The following PTN variants were observed in gnomAD, a reference collection of about 807,000 sequenced individuals.
PTN encodes the protein pleiotrophin.
A neutral mutation model predicts 24.1 loss-of-function variants in PTN; 18 were observed. The observed-to-expected ratio is 0.75, with a 90% CI of 0.52 to 1.11. The LOEUF is 1.11. Among genes scored for constraint, PTN ranks in the 50% least tolerant of loss-of-function variants. PTN has a pLI of 0.00. For synonymous variants in PTN, 78 were observed against 68.6 expected (o/e 1.14, Z -0.67); for missense variants, 163 against 198.8 (o/e 0.82, Z 1.08).
At chr7:137,258,320 G>A (rs1229443147) in intron 1 of PTN, among the ~76,000 whole-genome samples, 1 of 152,140 alleles carries the variant, frequency 6.6e-6, no homozygotes, top group Non-Finnish European at 1.5e-5. Flanking sequence ...TGTTAATTTA[G>A]AATAATTAAG....
chr7:137,298,777 A>G (rs1809759350), intron 1 of PTN, among the ~76,000 whole-genome samples: 1 of 152,012 alleles, frequency 6.6e-6, no homozygotes, highest in Non-Finnish European at 1.5e-5. Flanking sequence ...AATTTCAAAA[A>G]CAGTAACTGT....
At chr7:137,259,686 A>C (rs192460095) in intron 1 of PTN, among the ~76,000 whole-genome samples, 1 of 151,764 alleles carries the variant, frequency 6.6e-6, no homozygotes, top group East Asian at 1.9e-4. Flanking sequence ...ACAAACAAAA[A>C]GGGACAGAGA....
intron 1 of PTN, among the ~76,000 whole-genome samples, chr7:137,331,168 A>G (rs531880183): frequency 7.7e-6 from 1 of 129,548 alleles, no homozygotes; most frequent in Non-Finnish European, 1.8e-5. Flanking sequence ...ATGAGACATT[A>G]GAAACCCACA....
chr7:137,246,425 T>C (rs193188748), intron 4 of PTN, among the ~76,000 whole-genome samples: 118 of 152,296 alleles, frequency 7.7e-4, no homozygotes, highest in Non-Finnish European at 1.3e-3. Flanking sequence ...TAAGGATACA[T>C]TTCTTAGAAC....
At chr7:137,278,930 G>T (rs1809415894) in intron 1 of PTN, among the ~76,000 whole-genome samples, 1 of 140,750 alleles carries the variant, frequency 7.1e-6, no homozygotes, top group Non-Finnish European at 1.5e-5. Flanking sequence ...GACAAAGTGA[G>T]ACTCCATCTC....
At chr7:137,281,439 T>C (rs887680747) in intron 1 of PTN, among the ~76,000 whole-genome samples, 3 of 152,168 alleles carry the variant, frequency 2.0e-5, no homozygotes, top group Non-Finnish European at 1.5e-5. Flanking sequence ...GAATGATACC[T>C]ACACCTCTCC....
At chr7:137,331,397 G>C (rs1810355810) in intron 1 of PTN, among the ~76,000 whole-genome samples, 2 of 152,124 alleles carry the variant, frequency 1.3e-5, no homozygotes, top group South Asian at 4.1e-4. Flanking sequence ...ATTTAAAAAG[G>C]CTAAAAATCA....
At chr7:137,330,962 C>T (rs945692897) in intron 1 of PTN, among the ~76,000 whole-genome samples, 2 of 152,154 alleles carry the variant, frequency 1.3e-5, no homozygotes, top group African/African-American at 4.8e-5. Flanking sequence ...TGGCAGAAGC[C>T]TCAATGCTAT....
At chr7:137,259,659 T>C (rs1330478596) in intron 1 of PTN, among the ~76,000 whole-genome samples, 1 of 151,306 alleles carries the variant, frequency 6.6e-6, no homozygotes, top group Non-Finnish European at 1.5e-5. Context: ...TCTAGTATTA[T>C]CCAAAAGCAA....
At chr7:137,238,730 T>C (rs997593359) in intron 4 of PTN, among the ~76,000 whole-genome samples, 1 of 152,162 alleles carries the variant, frequency 6.6e-6, no homozygotes, top group Non-Finnish European at 1.5e-5. Flanking sequence ...TGTTATTTTG[T>C]AAAATACAAA....
intron 1 of PTN, chr7:137,324,736 T>G (rs931652079): frequency 6.6e-5 from 10 of 152,084 alleles, no homozygotes; most frequent in African/African-American, 2.2e-4. Context: ...ACACTCCCTT[T>G]TTGAAGAAAT....
chr7:137,272,080 G>T (rs1809284854), intron 1 of PTN, among the ~76,000 whole-genome samples: 1 of 152,084 alleles, frequency 6.6e-6, no homozygotes, highest in East Asian at 1.9e-4. Context: ...GCCAAACACT[G>T]ACTGTTCCTT....
At chr7:137,270,132 C>T (rs1002145453) in intron 1 of PTN, among the ~76,000 whole-genome samples, 1 of 152,142 alleles carries the variant, frequency 6.6e-6, no homozygotes, top group Non-Finnish European at 1.5e-5. Flanking sequence ...GCTTGCACTC[C>T]GATAAAGCAT....
At chr7:137,340,503 G>A (rs151142645) in intron 1 of PTN, among the ~76,000 whole-genome samples, 326 of 152,226 alleles carry the variant, frequency 2.1e-3, no homozygotes, top group Middle Eastern at 0.01. Flanking sequence ...AACTTTCCAC[G>A]AGGCCATGGC....
At chr7:137,292,673 T>G (rs538644371) in intron 1 of PTN, among the ~76,000 whole-genome samples, 3 of 152,328 alleles carry the variant, frequency 2.0e-5, no homozygotes, top group African/African-American at 7.2e-5. Flanking sequence ...GTGAATGCCA[T>G]GTAAATGGCT....
intron 4 of PTN, among the ~76,000 whole-genome samples, chr7:137,241,232 T>G (rs1034184386): frequency 6.6e-6 from 1 of 152,176 alleles, no homozygotes; most frequent in Non-Finnish European, 1.5e-5. Context: ...GGAGTTAAAA[T>G]TGGAGATGAG....
chr7:137,310,807 C>G (rs1427720217), intron 1 of PTN, among the ~76,000 whole-genome samples: 1 of 152,168 alleles, frequency 6.6e-6, no homozygotes, highest in African/African-American at 2.4e-5. Flanking sequence ...GCTGCAGGTT[C>G]TACATCAGCA....
intron 1 of PTN, among the ~76,000 whole-genome samples, chr7:137,300,100 G>A (rs906051806): frequency 1.3e-4 from 19 of 151,888 alleles, no homozygotes; most frequent in Middle Eastern, 6.8e-3. Flanking sequence ...TTCTTTCTCG[G>A]TGGGTAGATA....
At chr7:137,237,827 G>A (rs1808550500) in intron 4 of PTN, among the ~76,000 whole-genome samples, 1 of 152,164 alleles carries the variant, frequency 6.6e-6, no homozygotes, top group Non-Finnish European at 1.5e-5. Flanking sequence ...AGCCTTCAGA[G>A]CAGCTTAATT....
Sources: gnomAD v4.1 joint callset for allele counts (sites outside exome capture counted in the v4.1 genomes callset) on GRCh38, gnomAD v4.1.1 for gene constraint, MANE v1.5 for transcripts, NCBI Gene and HGNC (gene_info 2026-07-23, HGNC 2026-07-21) for gene names.